The following CSNK2A2IP variants were observed in gnomAD, a reference collection of about 807,000 sequenced individuals.
CSNK2A2IP encodes the protein casein kinase 2 subunit alpha' interacting protein, also known as casein kinase II subunit alpha'-interacting protein.
At chr3:88,429,340 T>C in the CSNK2A2IP span, among the ~76,000 whole-genome samples, 1 of 152,164 alleles carries the variant, frequency 6.6e-6, no homozygotes, top group East Asian at 1.9e-4. Flanking sequence ...ATTTACTTTA[T>C]TAGGCAACCA....
chr3:88,386,695 T>C, the CSNK2A2IP span, among the ~76,000 whole-genome samples: 1 of 152,170 alleles, frequency 6.6e-6, no homozygotes, highest in African/African-American at 2.4e-5. Context: ...ATACAACTGA[T>C]AGTGGAATGG....
chr3:88,394,033 T>C, the CSNK2A2IP span, among the ~76,000 whole-genome samples: 1 of 152,150 alleles, frequency 6.6e-6, no homozygotes, highest in Non-Finnish European at 1.5e-5. Flanking sequence ...GGCCTTTGCT[T>C]GAGAGAAATG....
chr3:88,458,770 G>A, the CSNK2A2IP span, among the ~76,000 whole-genome samples: 9,421 of 152,162 alleles, frequency 0.062, 478 homozygotes, highest in East Asian at 0.21. Context: ...CGTATAAAAT[G>A]TATATGTAGT....
chr3:88,342,622 C>G, the CSNK2A2IP span, among the ~76,000 whole-genome samples: 1 of 151,258 alleles, frequency 6.6e-6, no homozygotes, highest in African/African-American at 2.4e-5. Context: ...TTTAGCAATA[C>G]TCAGAACTTT....
chr3:88,442,904 ATTAAG>A, the CSNK2A2IP span, among the ~76,000 whole-genome samples: 1 of 152,006 alleles, frequency 6.6e-6, no homozygotes, highest in African/African-American at 2.4e-5. Context: ...ATTATAATTA[ATTAAG>A]TTAAAATTGA....
chr3:88,362,103 G>A, the CSNK2A2IP span, among the ~76,000 whole-genome samples: 1 of 152,054 alleles, frequency 6.6e-6, no homozygotes, highest in Non-Finnish European at 1.5e-5. Flanking sequence ...GATCACAGGT[G>A]ACAAATGTAG....
chr3:88,455,534 G>T, the CSNK2A2IP span, among the ~76,000 whole-genome samples: 1 of 151,682 alleles, frequency 6.6e-6, no homozygotes, highest in Non-Finnish European at 1.5e-5. Flanking sequence ...CAGGTCCTTT[G>T]CCTATTTTTC....
chr3:88,367,488 A>T, the CSNK2A2IP span, among the ~76,000 whole-genome samples: 1 of 152,130 alleles, frequency 6.6e-6, no homozygotes, highest in Non-Finnish European at 1.5e-5. Context: ...TTTGTAATTA[A>T]GATAAAAAAA....
At chr3:88,367,769 T>A in the CSNK2A2IP span, among the ~76,000 whole-genome samples, 1 of 152,114 alleles carries the variant, frequency 6.6e-6, no homozygotes. Context: ...TAATTTGTTC[T>A]TTGGGCATAT....
At chr3:88,455,750 G>A in the CSNK2A2IP span, among the ~76,000 whole-genome samples, 1 of 151,636 alleles carries the variant, frequency 6.6e-6, no homozygotes, top group East Asian at 1.9e-4. Context: ...CTGTGCCTTT[G>A]GCATCATATA....
At chr3:88,460,187 C>G in the CSNK2A2IP span, among the ~76,000 whole-genome samples, 1 of 151,398 alleles carries the variant, frequency 6.6e-6, no homozygotes, top group African/African-American at 2.4e-5. Context: ...TTTTTTTTCT[C>G]CCATATTTAT....
chr3:88,438,413 C>T, the CSNK2A2IP span, among the ~76,000 whole-genome samples: 57 of 152,258 alleles, frequency 3.7e-4, no homozygotes, highest in African/African-American at 1.3e-3. Flanking sequence ...GATTCCTCTT[C>T]CCTGAGGTGG....
At chr3:88,402,813 G>A in the CSNK2A2IP span, among the ~76,000 whole-genome samples, 2 of 152,050 alleles carry the variant, frequency 1.3e-5, no homozygotes, top group Non-Finnish European at 2.9e-5. Context: ...TGATTGCACG[G>A]AATAGAATCA....
At chr3:88,352,751 T>G in the CSNK2A2IP span, among the ~76,000 whole-genome samples, 1 of 151,980 alleles carries the variant, frequency 6.6e-6, no homozygotes, top group East Asian at 1.9e-4. Context: ...GCTTAATTAT[T>G]GTATTTTAAA....
chr3:88,409,539 AT>A, the CSNK2A2IP span, among the ~76,000 whole-genome samples: 37 of 151,934 alleles, frequency 2.4e-4, no homozygotes, highest in Non-Finnish European at 5.0e-4. Context: ...TAAATAGAAT[AT>A]TTTTTCTTAA....
At chr3:88,406,541 C>T in the CSNK2A2IP span, among the ~76,000 whole-genome samples, 2 of 152,102 alleles carry the variant, frequency 1.3e-5, no homozygotes, top group African/African-American at 4.8e-5. Flanking sequence ...ATTCAATGAT[C>T]AGATCTTAGG....
At chr3:88,450,025 G>A in the CSNK2A2IP span, among the ~76,000 whole-genome samples, 2 of 149,938 alleles carry the variant, frequency 1.3e-5, no homozygotes, top group African/African-American at 4.9e-5. Context: ...GCATGACCAC[G>A]CCTGGCTAAC....
the CSNK2A2IP span, among the ~76,000 whole-genome samples, chr3:88,448,554 A>C: frequency 6.6e-6 from 1 of 152,166 alleles, no homozygotes; most frequent in African/African-American, 2.4e-5. Flanking sequence ...CAGATAGGCC[A>C]TATGTATTGC....
chr3:88,446,029 CTTTTCTTTCTTTCTTTCTTTCTTT>C, the CSNK2A2IP span, among the ~76,000 whole-genome samples: 2 of 33,186 alleles, frequency 6.0e-5, no homozygotes, highest in East Asian at 5.3e-4. Context: ...TTCTTTGTTT[CTTTTCTTTCTTTCTTTCTTTCTTT>C]CTTTCTTTCT....
Sources: allele counts gnomAD v4.1 joint callset (sites outside exome capture counted in the v4.1 genomes callset), GRCh38; gene constraint gnomAD v4.1.1; transcripts MANE v1.5; gene names NCBI Gene and HGNC (gene_info 2026-07-23, HGNC 2026-07-21).